Variants in C5AR1 observed in about 807,000 individuals in gnomAD.
The protein encoded by C5AR1 is C5a anaphylatoxin chemotactic receptor 1.
In C5AR1, 4 loss-of-function variants were observed where a neutral mutation model predicts 2.4. The observed-to-expected ratio is 1.65, with a 90% CI of 0.81 to 3.77. The LOEUF is 3.77. C5AR1 is among the 30% of genes most tolerant of loss of function. C5AR1 has a pLI of 0.01. For synonymous variants in C5AR1, 209 were observed against 210.4 expected, an observed-to-expected ratio of 0.99 and a Z score of 0.06; for missense variants, 418 against 462.5, an observed-to-expected ratio of 0.90 and a Z score of 0.88.
Position 47,321,129 on chromosome 19 carries a change from A to G in C5AR1, c.*299A>G. 1 of 216,104 alleles carries G rather than the reference A, an allele frequency of 4.6e-6. No homozygotes were observed. Among genetic ancestry groups the G allele is most frequent in the Non-Finnish European group, 8.9e-6 (1 of 112,830 alleles). The allele number at this position is 216,104 out of a possible 1,614,324, so 13.4% of individuals were successfully genotyped here. On this transcript the variant is annotated 3_prime_UTR_variant, in exon 2 of 2. Coordinates refer to ENST00000355085, the MANE Select transcript of C5AR1 (RefSeq NM_001736.4). ...AAACAGAAACCCGTGTATCTGGGATATTTCCATATGGCAATAGGTGTGAAC... is the reference window on the plus strand; with the variant it reads ...AAACAGAAACCCGTGTATCTGGGATGTTTCCATATGGCAATAGGTGTGAAC...
At chr19:47,315,342 C>T (rs981183220) in intron 1 of C5AR1, among the ~76,000 whole-genome samples, 2 of 152,152 alleles carry the variant, frequency 1.3e-5, no homozygotes, top group African/African-American at 2.4e-5. Flanking sequence ...CTGAAGATCC[C>T]GGAAACCACA....
Position 47,320,320 on chromosome 19 carries a change from C to G in C5AR1, c.543C>G (p.Tyr181Ter), listed in dbSNP as rs1480229296. The change falls in exon 2 of 2, where the codon TAC (tyrosine) becomes TAG (stop). Residue 181 changes from tyrosine to a stop codon, truncating the protein, a stop_gained. Transcript: ENST00000355085. LOFTEE classifies it low-confidence loss of function (END_TRUNC). This position sits in a 1 kb window ranked among gnomAD's most constrained non-coding sequence, Gnocchi z 4.9. ...TGTACCGGGTGGTCCGGGAGGAGTA[C>G]TTTCCACCAAAGGTGTTGTGTGGCG... Reference protein sequence around the residue: ...SFLYRVVREEYFPPKVLCGVD... With the variant: ...SFLYRVVREE 3.1e-6 allele frequency: 5 copies of G among 1,610,306 alleles called. No homozygotes were observed. The highest frequency in any genetic ancestry group is 4.2e-6 in the Non-Finnish European group (5 of 1,180,030).
At chr19:47,315,373 T>C (rs2059283629) in intron 1 of C5AR1, among the ~76,000 whole-genome samples, 1 of 152,106 alleles carries the variant, frequency 6.6e-6, no homozygotes, top group Admixed American at 6.6e-5. Flanking sequence ...ATCAGCGTAT[T>C]TTTTCTGCCT....
In C5AR1 at chr19:47,316,156, C is replaced by T. The variant is rs149121761; in HGVS notation, c.4-3625C>T. On this transcript the variant is annotated intron_variant, in intron 1 of 1. Coordinates refer to ENST00000355085, the MANE Select transcript of C5AR1 (RefSeq NM_001736.4). ...AAGTAGCTGGGACTACAGGCACACA[C>T]CACTGGGCCCAGCTAATTTTTTTGT... Among the ~76,000 whole-genome samples, 480 of 152,144 alleles carry T rather than the reference C, an allele frequency of 3.2e-3. 3 individuals carry two copies. The highest frequency in any genetic ancestry group is 0.011 in the African/African-American group (451 of 41,524).
chr19:47,318,197 C>A (rs902522635), intron 1 of C5AR1, among the ~76,000 whole-genome samples: 1 of 152,118 alleles, frequency 6.6e-6, no homozygotes, highest in East Asian at 1.9e-4. Context: ...TGCATTCCAG[C>A]CCGTATGGGT....
intron 1 of C5AR1, chr19:47,316,686 A>G (rs2059289959): frequency 6.6e-6 from 1 of 152,138 alleles, no homozygotes; most frequent in South Asian, 2.1e-4. Context: ...ACATTGCAGC[A>G]TGTGTCAGCA....
chr19:47,314,826 T>G (rs1466932578), intron 1 of C5AR1, among the ~76,000 whole-genome samples: 2 of 152,226 alleles, frequency 1.3e-5, no homozygotes, highest in Non-Finnish European at 2.9e-5. Flanking sequence ...ACTGAGTAGC[T>G]GGAATTACAG....
Position 47,321,700 on chromosome 19 carries a change from C to T in C5AR1, c.*870C>T, listed in dbSNP as rs990108822. 6.6e-6 allele frequency: 1 copy of T among 152,148 alleles called. No individual in the cohort carries two copies. Among genetic ancestry groups the T allele is most frequent in the Admixed American group, 6.6e-5 (1 of 15,258 alleles). 9.4% of individuals were successfully genotyped at this position (152,148 alleles called of 1,614,324 possible). ...TAAATTATGCTTTCTATTTTGAGAT[C>T]ATTGCAAACTCAACACAATTGTAAG... On this transcript the variant is annotated 3_prime_UTR_variant, in exon 2 of 2. Transcript: ENST00000355085.
At chr19:47,309,001 C>T (rs1357354974), upstream of C5AR1, among the ~76,000 whole-genome samples, 1 of 152,134 alleles carries the variant, frequency 6.6e-6, no homozygotes, top group Non-Finnish European at 1.5e-5. Flanking sequence ...TCTTGAACTC[C>T]TGACCTCAAG....
Position 47,320,812 on chromosome 19 carries a change from G to C in C5AR1, c.1035G>C (p.Gln345His), listed in dbSNP as rs2122144963. Reference sequence around the variant, plus strand: ...GCTCCACAGTGGACACTATGGCCCAGAAGACCCAGGCAGTGTAGGCGACAG... The same window carrying C: ...GCTCCACAGTGGACACTATGGCCCACAAGACCCAGGCAGTGTAGGCGACAG... ...FTRSTVDTMA[Q>H]KTQAV Residue 345 changes from glutamine (Q) to histidine (H), a missense_variant, in exon 2 of 2, where the codon CAG (glutamine) becomes CAC (histidine). Transcript: ENST00000355085. The surrounding 1 kb of genome is among the most constrained non-coding windows in gnomAD (Gnocchi z 4.9). 1 of 1,611,524 alleles carries C rather than the reference G, an allele frequency of 6.2e-7. No homozygotes were observed. The highest frequency in any genetic ancestry group is 8.5e-7 in the Non-Finnish European group (1 of 1,177,968).
At chr19:47,314,319 C>G (rs1465172635) in intron 1 of C5AR1, among the ~76,000 whole-genome samples, 3 of 152,260 alleles carry the variant, frequency 2.0e-5, no homozygotes, top group African/African-American at 7.2e-5. Context: ...GGCCCTGGAC[C>G]TGCACTGCCC....
chr19:47,313,474 C>A (rs915823661), intron 1 of C5AR1, among the ~76,000 whole-genome samples: 1 of 150,694 alleles, frequency 6.6e-6, no homozygotes, highest in East Asian at 2.0e-4. Context: ...CTGGGCTGGG[C>A]GCGGTGGCTC....
chr19:47,308,926 C>T (rs1247475581), upstream of C5AR1, among the ~76,000 whole-genome samples: 1 of 152,066 alleles, frequency 6.6e-6, no homozygotes, highest in Non-Finnish European at 1.5e-5. Flanking sequence ...AGGCACCTGC[C>T]ACCACACCTG....
intron 1 of C5AR1, among the ~76,000 whole-genome samples, chr19:47,313,753 AAAAG>A (rs1183264651): frequency 1.3e-5 from 2 of 151,422 alleles, no homozygotes; most frequent in African/African-American, 2.4e-5. Flanking sequence ...ATAAAAAAAA[AAAAG>A]AGAGAGAGGG....
intron 1 of C5AR1, among the ~76,000 whole-genome samples, chr19:47,317,876 G>T (rs974442220): frequency 4.3e-4 from 66 of 151,790 alleles, no homozygotes; most frequent in Non-Finnish European, 7.4e-4. Context: ...AGCTACTCAG[G>T]AGGCTGAGGC....
chr19:47,313,697 T>TCG (rs1347191433), intron 1 of C5AR1, among the ~76,000 whole-genome samples: 1 of 150,958 alleles, frequency 6.6e-6, no homozygotes, highest in Admixed American at 6.6e-5. Context: ...TGAGCTGAGA[T>TCG]CGCGCCACTG....
intron 1 of C5AR1, among the ~76,000 whole-genome samples, chr19:47,314,687 C>G (rs1374851247): frequency 2.0e-5 from 3 of 150,980 alleles, no homozygotes; most frequent in African/African-American, 7.3e-5. Context: ...CGTGAACCAC[C>G]GTGTCCAGCC....
chr19:47,308,320 A>G (rs912492007), upstream of C5AR1, among the ~76,000 whole-genome samples: 4 of 151,582 alleles, frequency 2.6e-5, no homozygotes, highest in African/African-American at 9.7e-5. Flanking sequence ...ATGATCTGTC[A>G]CTGTATCCCA....
upstream of C5AR1, among the ~76,000 whole-genome samples, chr19:47,308,996 A>G (rs2059261975): frequency 6.6e-6 from 1 of 152,042 alleles, no homozygotes; most frequent in African/African-American, 2.4e-5. Flanking sequence ...ACTCGTCTTG[A>G]ACTCCTGACC....
Sources: gnomAD v4.1 joint callset for allele counts (sites outside exome capture counted in the v4.1 genomes callset) on GRCh38, gnomAD v4.1.1 for gene constraint, Gnocchi (gnomAD v3.1) non-coding constraint, MANE v1.5 for transcripts, NCBI Gene and HGNC (gene_info 2026-07-23, HGNC 2026-07-21) for gene names.